The following DENND2A variants were observed in gnomAD, a reference collection of about 807,000 sequenced individuals.
DENND2A encodes DENN domain containing 2A, also known as DENN domain-containing protein 2A.
A neutral mutation model predicts 105.3 loss-of-function variants in DENND2A; 53 were observed. That is an observed-to-expected ratio of 0.50 (90% CI 0.40 to 0.63). DENND2A has a LOEUF of 0.63. Ranked by LOEUF, DENND2A falls within the 30% of genes least tolerant of loss-of-function variation. The pLI, the probability that DENND2A is intolerant of heterozygous loss-of-function variation, is 0.00. For synonymous variants in DENND2A, 522 were observed against 508.4 expected (o/e 1.03, Z -0.36); for missense variants, 1,138 against 1,279.6 (o/e 0.89, Z 1.69).
intron 1 of DENND2A, among the ~76,000 whole-genome samples, chr7:140,610,822 G>C (rs1341148616): frequency 6.6e-6 from 1 of 152,202 alleles, no homozygotes; most frequent in African/African-American, 2.4e-5. Flanking sequence ...GGGGAGAGGA[G>C]CGGAGCCCTC....
chr7:140,572,000 C>G (rs1798111884), intron 6 of DENND2A, among the ~76,000 whole-genome samples: 4 of 151,880 alleles, frequency 2.6e-5, no homozygotes, highest in Admixed American at 2.6e-4. Flanking sequence ...CTCTCTCTCT[C>G]TCTGTCTCTC....
intron 14 of DENND2A, among the ~76,000 whole-genome samples, chr7:140,543,079 AC>A (rs1259172763): frequency 6.7e-6 from 1 of 148,224 alleles, no homozygotes; most frequent in Non-Finnish European, 1.5e-5. Flanking sequence ...TGTCTCTGTT[AC>A]CCCACTGCAC....
intron 1 of DENND2A, among the ~76,000 whole-genome samples, chr7:140,638,001 CA>C (rs142055896): frequency 0.015 from 2,227 of 152,272 alleles, 40 homozygotes; most frequent in African/African-American, 0.051. Flanking sequence ...CTCCCCTAGA[CA>C]TAACAGGATG....
At chr7:140,550,775 T>A (rs1455113422) in intron 12 of DENND2A, among the ~76,000 whole-genome samples, 1 of 151,302 alleles carries the variant, frequency 6.6e-6, no homozygotes, top group Admixed American at 6.6e-5. Context: ...GGGTACAGAG[T>A]TTCTGTTGGG....
rs1328829554 is a variant in DENND2A, at chr7:140,602,115, C to T, written c.283G>A (p.Ala95Thr). The T allele has an allele frequency of 6.2e-6, 10 of 1,614,158 alleles. No homozygotes were observed. Among genetic ancestry groups the T allele is most frequent in the South Asian group, 1.1e-5 (1 of 91,082 alleles). The change falls in exon 3 of 20, where the codon GCT (alanine) becomes ACT (threonine). Residue 95 changes from alanine (A) to threonine (T), a missense_variant. Coordinates refer to ENST00000496613, the MANE Select transcript of DENND2A (RefSeq NM_015689.5). Reference sequence around the variant, plus strand: ...GTTCCTGGCCTCATTCCATTCTTAGCCTCTGTGACCTGAGTTCTCACCCCA... The same window carrying T: ...GTTCCTGGCCTCATTCCATTCTTAGTCTCTGTGACCTGAGTTCTCACCCCA... ...SDGVRTQVTE[A>T]KNGMRPGTES...
rs148903441 is a variant in DENND2A at position 140,565,750 on chromosome 7, T to G, written c.1779+1336A>C. Reference sequence around the variant, plus strand: ...AAACCTACTGGGCTGCATTCCCAGATGGTTAAAGCAGAGACAGGAGGTCGG... The same window carrying G: ...AAACCTACTGGGCTGCATTCCCAGAGGGTTAAAGCAGAGACAGGAGGTCGG... On this transcript the variant is annotated intron_variant, in intron 9 of 19. Coordinates refer to ENST00000496613, the MANE Select transcript of DENND2A (RefSeq NM_015689.5). Among the ~76,000 whole-genome samples the G allele has an allele frequency of 6.1e-3, 930 of 152,124 alleles. 6 individuals are homozygous for G. Among genetic ancestry groups the G allele is most frequent in the African/African-American group, 0.021 (862 of 41,496 alleles).
intron 18 of DENND2A, among the ~76,000 whole-genome samples, chr7:140,520,141 T>C (rs950125525): frequency 1.3e-5 from 2 of 151,896 alleles, no homozygotes; most frequent in Non-Finnish European, 2.9e-5. Context: ...CTCTTTCTAC[T>C]GAAAATACAA....
chr7:140,632,878 T>TC (rs1156608562), intron 1 of DENND2A, among the ~76,000 whole-genome samples: 5 of 149,918 alleles, frequency 3.3e-5, no homozygotes, highest in African/African-American at 1.2e-4. Flanking sequence ...TTTTTTTTTT[T>TC]TTTGAGACAG....
intron 6 of DENND2A, 41 bp from the exon 7 acceptor site, chr7:140,569,779 C>T (rs1180152726): frequency 1.4e-6 from 2 of 1,410,556 alleles, no homozygotes; most frequent in Non-Finnish European, 2.0e-6. Flanking sequence ...GTTAGCAGCC[C>T]ACTCTCTGTG....
chr7:140,539,766 C>T (rs911206283), intron 14 of DENND2A, among the ~76,000 whole-genome samples: 2 of 152,256 alleles, frequency 1.3e-5, no homozygotes, highest in Non-Finnish European at 2.9e-5. Flanking sequence ...CCGTCATCCT[C>T]ATCAGCTTTG....
intron 14 of DENND2A, among the ~76,000 whole-genome samples, chr7:140,536,640 A>T (rs1333510065): frequency 6.6e-6 from 1 of 152,158 alleles, no homozygotes; most frequent in East Asian, 1.9e-4. Context: ...TTAACATTTA[A>T]TCAGGCTGTA....
intron 1 of DENND2A, among the ~76,000 whole-genome samples, chr7:140,616,943 T>G (rs1224308493): frequency 6.6e-6 from 1 of 152,184 alleles, no homozygotes. Context: ...CTGCAACCTC[T>G]GCCACCCGGG....
At position 140,587,864 on chromosome 7, in the gene DENND2A, G is replaced by A. The variant is rs554147791; in HGVS notation, c.996-84C>T. 8.5e-5 allele frequency: 111 copies of A among 1,308,566 alleles called. 1 individual carries two copies. In the Middle Eastern group the frequency reaches 1.6e-3, roughly 19 times the overall value. The allele number at this position is 1,308,566 out of a possible 1,614,324, so 81.1% of individuals were successfully genotyped here. ...AGAGAATATATTAATATATCCCCTC[G>A]GCCAAATTTTCTTTTTCTTAGAAAA... is the stretch of plus-strand genomic sequence containing the variant. On this transcript the variant is annotated intron_variant, in intron 3 of 19. Transcript: ENST00000496613.
At chr7:140,616,336 T>C (rs987107616) in intron 1 of DENND2A, among the ~76,000 whole-genome samples, 3 of 152,116 alleles carry the variant, frequency 2.0e-5, no homozygotes, top group Non-Finnish European at 2.9e-5. Context: ...TACTCCAGCC[T>C]GGGCGACAGA....
At position 140,518,610 on chromosome 7, in the gene DENND2A, G is replaced by GT. The variant is rs1192951999; in HGVS notation, c.*96dup. Reference sequence around the variant, plus strand: ...CCACCGCGGCCTCCAGTTCCGCACCGTGACAACCTGGGACCCAGCCTTTCA... The same window carrying GT: ...CCACCGCGGCCTCCAGTTCCGCACCGTTGACAACCTGGGACCCAGCCTTTCA... On this transcript the variant is annotated 3_prime_UTR_variant, in exon 20 of 20. Coordinates refer to ENST00000496613, the MANE Select transcript of DENND2A (RefSeq NM_015689.5). 1 of 1,371,734 alleles carries GT rather than the reference G, an allele frequency of 7.3e-7. No individual in the cohort carries two copies. Among genetic ancestry groups the GT allele is most frequent in the Non-Finnish European group, 1.0e-6 (1 of 973,186 alleles). 85.0% of individuals were successfully genotyped at this position (1,371,734 alleles called of 1,614,324 possible).
chr7:140,611,579 GT>G (rs1799900437), intron 1 of DENND2A, among the ~76,000 whole-genome samples: 1 of 152,040 alleles, frequency 6.6e-6, no homozygotes, highest in Admixed American at 6.6e-5. Flanking sequence ...ATGTGGAAGC[GT>G]TGGTCAATTG....
chr7:140,601,355 C>T (rs1435547664), intron 3 of DENND2A, 48 bp downstream of exon 3: 1 of 1,529,996 alleles, frequency 6.5e-7, no homozygotes, highest in East Asian at 2.3e-5. Context: ...ACACAAACCA[C>T]TGAGAGAGTC....
At chr7:140,520,731 G>A (rs1276006757) in intron 18 of DENND2A, among the ~76,000 whole-genome samples, 1 of 144,296 alleles carries the variant, frequency 6.9e-6, no homozygotes, top group Non-Finnish European at 1.5e-5. Flanking sequence ...GCTAATTTTT[G>A]TATTTTTAGT....
chr7:140,546,649 T>A, intron 13 of DENND2A, 150 bp downstream of exon 13: 1 of 1,007,928 alleles, frequency 9.9e-7, no homozygotes, highest in Non-Finnish European at 1.4e-6. Flanking sequence ...AGGGTGGAAC[T>A]CATGATGAGT....
Sources: allele counts gnomAD v4.1 joint callset (sites outside exome capture counted in the v4.1 genomes callset), GRCh38; gene constraint gnomAD v4.1.1; transcripts MANE v1.5; gene names NCBI Gene and HGNC (gene_info 2026-07-23, HGNC 2026-07-21).